Variants in RUFY2 observed in about 807,000 individuals in gnomAD.
RUFY2 encodes the protein RUN and FYVE domain-containing protein 2.
In RUFY2, 49 loss-of-function variants were observed where a neutral mutation model predicts 94.4. The ratio of observed to expected loss-of-function variants is 0.52; its 90% confidence interval spans 0.41 to 0.66. The LOEUF is 0.66. RUFY2 is among the 30% of genes least tolerant of loss of function. The probability of loss-of-function intolerance (pLI) is 0.00; values close to 1 mark genes in which losing one functional copy is unlikely to be tolerated. For synonymous variants in RUFY2, 255 were observed against 235.7 expected (o/e 1.08, Z -0.75); for missense variants, 541 against 692.8 (o/e 0.78, Z 2.46).
intron 15 of RUFY2, 21 bp downstream of exon 15, chr10:68,363,569 T>G: frequency 6.7e-7 from 1 of 1,503,378 alleles, no homozygotes; most frequent in South Asian, 1.2e-5. Flanking sequence ...GACTACTTAG[T>G]TGAAGGAAAA....
At chr10:68,387,891 T>C (rs12573249) in intron 7 of RUFY2, among the ~76,000 whole-genome samples, 2 of 151,970 alleles carry the variant, frequency 1.3e-5, no homozygotes, top group Admixed American at 1.3e-4. Context: ...TAATCCCAGC[T>C]ACTCAGGAGG....
At chr10:68,387,903 TGAGGCAGGAG>T (rs1403676515) in intron 7 of RUFY2, among the ~76,000 whole-genome samples, 2 of 152,020 alleles carry the variant, frequency 1.3e-5, no homozygotes, top group Non-Finnish European at 2.9e-5. Flanking sequence ...CTCAGGAGGC[TGAGGCAGGAG>T]AATCGATTGA....
chr10:68,389,891 T>C (rs1044139989), intron 7 of RUFY2, among the ~76,000 whole-genome samples: 1 of 152,172 alleles, frequency 6.6e-6, no homozygotes, highest in Non-Finnish European at 1.5e-5. Flanking sequence ...AGAATAGATA[T>C]ACATATTATT....
At chr10:68,363,812 G>A (rs1199342603) in intron 14 of RUFY2, 128 bp from the exon 15 acceptor site, 2 of 834,566 alleles carry the variant, frequency 2.4e-6, no homozygotes, top group Non-Finnish European at 3.6e-6. Context: ...TGTGTCCAAA[G>A]CTCTTTCCTA....
intron 3 of RUFY2, 106 bp from the exon 4 acceptor site, chr10:68,396,987 T>C (rs1178151321): frequency 4.2e-6 from 3 of 707,664 alleles, no homozygotes; most frequent in Non-Finnish European, 7.2e-6. Flanking sequence ...TTTATAATGG[T>C]TTTGTTTTCA....
At chr10:68,394,037 A>G in intron 6 of RUFY2, 38 bp downstream of exon 6, 2 of 1,487,030 alleles carry the variant, frequency 1.3e-6, no homozygotes, top group Non-Finnish European at 1.8e-6. Context: ...GAGCTATATA[A>G]AAAACCCAAT....
chr10:68,343,296 C>G (rs1377851630), downstream of RUFY2: 1 of 152,184 alleles, frequency 6.6e-6, no homozygotes, highest in Non-Finnish European at 1.5e-5. Context: ...GGAGAGGGAG[C>G]CGGGGCAGCC....
In RUFY2 at chr10:68,376,442, GTATATATATATATATATATATATA is replaced by G. The variant is rs764172830; in HGVS notation, c.1325+387_1325+410del. ...GAAACTTCATCTCAAAAAAATGTGT[GTATATATATATATATATATATATA>G]TATATATATATATATATATATATAT... On this transcript the variant is annotated intron_variant, in intron 13 of 17. Transcript: ENST00000602465. Among the ~76,000 whole-genome samples, 9 of 27,968 alleles carry G rather than the reference GTATATATATATATATATATATATA, an allele frequency of 3.2e-4. No homozygotes were observed. In the South Asian group the frequency reaches 6.0e-3, roughly 19 times the overall value. 18.3% of individuals were successfully genotyped at this position (27,968 alleles called of 152,430 possible). A position where few individuals can be genotyped will look rare whatever the true frequency, so the allele number is the denominator to read the frequency against.
chr10:68,383,592 C>T (rs1471135483), intron 10 of RUFY2, among the ~76,000 whole-genome samples: 1 of 152,204 alleles, frequency 6.6e-6, no homozygotes, highest in East Asian at 1.9e-4. Flanking sequence ...TGCACTCCAG[C>T]CTGGGCCACA....
intron 13 of RUFY2, among the ~76,000 whole-genome samples, chr10:68,373,079 A>C (rs1461536096): frequency 2.6e-5 from 4 of 152,216 alleles, no homozygotes; most frequent in African/African-American, 9.6e-5. Context: ...AATATATGTA[A>C]AAGAGATAAT....
chr10:68,364,531 A>G (rs764189546), intron 13 of RUFY2, among the ~76,000 whole-genome samples: 18 of 152,188 alleles, frequency 1.2e-4, no homozygotes, highest in Admixed American at 2.6e-4. Flanking sequence ...TTATTCCAAT[A>G]TAAGAATTAC....
intron 13 of RUFY2, among the ~76,000 whole-genome samples, chr10:68,375,673 G>A (rs919385065): frequency 6.6e-6 from 1 of 151,866 alleles, no homozygotes; most frequent in Non-Finnish European, 1.5e-5. Flanking sequence ...CTACTCAGGA[G>A]GCTGAGGCAG....
intron 13 of RUFY2, among the ~76,000 whole-genome samples, chr10:68,371,010 T>C (rs2048232081): frequency 6.6e-6 from 1 of 151,662 alleles, no homozygotes; most frequent in Admixed American, 6.6e-5. Context: ...CGGGCACCTG[T>C]AGTCCCAGCT....
chr10:68,341,319 G>A (rs748673028), downstream of RUFY2: 12 of 1,596,402 alleles, frequency 7.5e-6, no homozygotes, highest in Non-Finnish European at 9.4e-6. Context: ...CGTAAGTGGT[G>A]TCTTTGGCAC....
chr10:68,362,079 C>T (rs1184561023), intron 15 of RUFY2, among the ~76,000 whole-genome samples: 1 of 152,116 alleles, frequency 6.6e-6, no homozygotes, highest in African/African-American at 2.4e-5. Flanking sequence ...AATCTCAGCA[C>T]TTTGGGAGGC....
At chr10:68,371,405 G>C (rs2048268925) in intron 13 of RUFY2, among the ~76,000 whole-genome samples, 1 of 151,522 alleles carries the variant, frequency 6.6e-6, no homozygotes, top group Admixed American at 6.6e-5. Flanking sequence ...CTGGGCGACA[G>C]GCTGAGACTC....
In RUFY2 at chr10:68,404,723, G is replaced by T. The variant is rs761459561; in HGVS notation, c.126C>A (p.Pro42=). The change falls in exon 2 of 18, where the codon CCC becomes CCA. Residue 42 remains proline (P), a synonymous_variant. Transcript: ENST00000602465. ...FGRTLDSDYP[P]LQQFFVVMEH... ...CCATAACAACAAAGAATTGCTGCAA[G>T]GGGGGATAGTCAGAATCCAAAGTGC... The T allele has an allele frequency of 1.2e-6, 2 of 1,612,646 alleles. No homozygotes were observed. The highest frequency in any genetic ancestry group is 8.5e-7 in the Non-Finnish European group (1 of 1,179,400).
chr10:68,360,582 C>CA (rs2047388819), intron 15 of RUFY2, among the ~76,000 whole-genome samples: 1 of 151,676 alleles, frequency 6.6e-6, no homozygotes, highest in Non-Finnish European at 1.5e-5. Context: ...TCTCTACTAC[C>CA]AAAATACAAA....
In RUFY2 at chr10:68,404,828, T is replaced by G. The variant is rs1223314416; in HGVS notation, c.21A>C (p.Thr7=). The change falls in exon 2 of 18, where the codon ACA becomes ACC. Residue 7 remains threonine, a synonymous_variant. Coordinates refer to ENST00000602465, the MANE Select transcript of RUFY2 (RefSeq NM_001330103.2). The part of the protein sequence containing the change: MATKDP[T]AVERANLLNM... ...TTAACAAGTTTGCTCTCTCTACAGCTGTGGGGTCTTTTGTAGCTGAAAACA... is the reference window on the plus strand; with the variant it reads ...TTAACAAGTTTGCTCTCTCTACAGCGGTGGGGTCTTTTGTAGCTGAAAACA... 6.4e-7 allele frequency: 1 copy of G among 1,569,604 alleles called. No individual in the cohort carries two copies. Among genetic ancestry groups the G allele is most frequent in the African/African-American group, 1.4e-5 (1 of 72,972 alleles).
Sources: gnomAD v4.1 joint callset for allele counts (sites outside exome capture counted in the v4.1 genomes callset) on GRCh38, gnomAD v4.1.1 for gene constraint, MANE v1.5 for transcripts, NCBI Gene and HGNC (gene_info 2026-07-23, HGNC 2026-07-21) for gene names.